Variants in AFF4 observed in about 807,000 individuals in gnomAD.
AFF4 encodes AF4/FMR2 family member 4.
AFF4 carries 13 observed loss-of-function variants against 124.8 expected under a neutral mutation model. The ratio of observed to expected loss-of-function variants is 0.10; its 90% CI spans 0.07 to 0.17. The LOEUF (loss-of-function observed/expected upper bound fraction) is 0.17, where lower values mean the gene tolerates loss of function less well. Ranked by LOEUF, AFF4 falls within the 10% of genes least tolerant of loss-of-function variation. The probability of loss-of-function intolerance (pLI) is 1.00; values close to 1 mark genes in which losing one functional copy is unlikely to be tolerated. For synonymous variants in AFF4, 477 were observed against 496.1 expected (o/e 0.96, Z 0.51); for missense variants, 1,092 against 1,403.8 (o/e 0.78, Z 3.55).
intron 1 of AFF4, among the ~76,000 whole-genome samples, chr5:132,941,710 G>T (rs79146211): frequency 1.3e-5 from 2 of 151,242 alleles, no homozygotes; most frequent in Non-Finnish European, 2.9e-5. Flanking sequence ...TTTTTCGCAC[G>T]CACAAGCAAG....
chr5:132,962,275 T>C (rs1173025901), intron 1 of AFF4, among the ~76,000 whole-genome samples: 1 of 152,244 alleles, frequency 6.6e-6, no homozygotes, highest in East Asian at 1.9e-4. Context: ...ATGTTACATT[T>C]ACAGTCTATT....
chr5:132,886,493 G>A, intron 17 of AFF4, 90 bp from the exon 18 acceptor site: 4 of 1,172,556 alleles, frequency 3.4e-6, no homozygotes, highest in Non-Finnish European at 5.0e-6. Context: ...CAGGAGACTG[G>A]CTCATGTGAC....
At chr5:132,898,101 T>C (rs1433014968) in intron 10 of AFF4, 129 bp downstream of exon 10, 2 of 1,203,822 alleles carry the variant, frequency 1.7e-6, no homozygotes, top group Non-Finnish European at 2.3e-6. Context: ...ACGTACACAG[T>C]ACAATTTCTT....
intron 5 of AFF4, among the ~76,000 whole-genome samples, chr5:132,908,129 TA>T (rs1760711518): frequency 6.6e-6 from 1 of 151,856 alleles, no homozygotes; most frequent in Admixed American, 6.6e-5. Context: ...TTTTTTTTTT[TA>T]ATCATATACT....
chr5:132,900,636 C>T (rs1367887002), intron 7 of AFF4, among the ~76,000 whole-genome samples: 1 of 152,190 alleles, frequency 6.6e-6, no homozygotes, highest in Non-Finnish European at 1.5e-5. Flanking sequence ...AATTAAAACA[C>T]ATACACACAA....
chr5:132,937,055 A>G lies in AFF4; in HGVS notation c.123+12T>C. On this transcript the variant is annotated intron_variant, in intron 2 of 20. Transcript: ENST00000265343. ...CTAATGGGAAAAAAACATTCACAGA[A>G]GGGCAACTTACAACTTTGTATGGCT... The G allele has an allele frequency of 6.3e-7, 1 of 1,589,660 alleles. No individual in the cohort carries two copies.
chr5:132,876,612 G>T lies in AFF4; in HGVS notation c.*4447C>A. The T allele has an allele frequency of 4.9e-6, 1 of 202,544 alleles. No individual in the cohort carries two copies. Among genetic ancestry groups the T allele is most frequent in the Non-Finnish European group, 1.0e-5 (1 of 98,420 alleles). The allele number at this position is 202,544 out of a possible 1,614,324, so 12.5% of individuals were successfully genotyped here. On this transcript the variant is annotated 3_prime_UTR_variant, in exon 21 of 21. Transcript: ENST00000265343. ...AGGCTGCTATTTTAGGATACTTAAAGATCTCTAAGACTTGGATTAGACTTA... is the reference window on the plus strand; with the variant it reads ...AGGCTGCTATTTTAGGATACTTAAATATCTCTAAGACTTGGATTAGACTTA...
intron 1 of AFF4, among the ~76,000 whole-genome samples, chr5:132,957,531 G>A (rs1016409913): frequency 2.9e-4 from 44 of 151,900 alleles, no homozygotes; most frequent in Non-Finnish European, 3.5e-4. Flanking sequence ...TCAGGAGTTC[G>A]AGATCAGCCT....
At chr5:132,929,163 G>C (rs1761246591) in intron 4 of AFF4, among the ~76,000 whole-genome samples, 1 of 152,026 alleles carries the variant, frequency 6.6e-6, no homozygotes, top group Non-Finnish European at 1.5e-5. Context: ...ACACACACCT[G>C]AAGTTCCTTG....
chr5:132,952,710 A>G (rs1037327866), intron 1 of AFF4, among the ~76,000 whole-genome samples: 8 of 152,196 alleles, frequency 5.3e-5, no homozygotes, highest in Non-Finnish European at 8.8e-5. Context: ...CCTAGCCAAC[A>G]TGGCGAAACT....
intron 8 of AFF4, among the ~76,000 whole-genome samples, chr5:132,899,372 T>C (rs1330209128): frequency 6.6e-6 from 1 of 152,136 alleles, no homozygotes; most frequent in Non-Finnish European, 1.5e-5. Context: ...GAGTATGTTT[T>C]GATCCATAAT....
intron 20 of AFF4, 35 bp from the exon 21 acceptor site, chr5:132,881,221 ACT>A: frequency 6.2e-7 from 1 of 1,603,094 alleles, no homozygotes. Context: ...AATGATATAT[ACT>A]CTTTTGAATC....
chr5:132,956,811 G>A (rs574445502), intron 1 of AFF4, among the ~76,000 whole-genome samples: 1 of 151,536 alleles, frequency 6.6e-6, no homozygotes, highest in Non-Finnish European at 1.5e-5. Flanking sequence ...CATGAGGTCA[G>A]GAGTTCAAGA....
intron 1 of AFF4, among the ~76,000 whole-genome samples, chr5:132,950,427 C>T (rs556846286): frequency 2.6e-5 from 4 of 152,108 alleles, no homozygotes; most frequent in Non-Finnish European, 5.9e-5. Flanking sequence ...GAGCTGAGAT[C>T]GTGCCATTGC....
At chr5:132,920,356 ATTTT>A (rs71581351) in intron 5 of AFF4, among the ~76,000 whole-genome samples, 3 of 125,802 alleles carry the variant, frequency 2.4e-5, no homozygotes, top group Admixed American at 8.1e-5. Context: ...GCGGGCAAAC[ATTTT>A]TTTTTTTTTT....
In AFF4 at chr5:132,878,182, TGAAG is replaced by T. The variant is rs1376690380; in HGVS notation, c.*2873_*2876del. The T allele has an allele frequency of 9.8e-5, 22 of 223,690 alleles. No homozygotes were observed. In the East Asian group the frequency reaches 1.4e-3, roughly 14 times the overall value. The allele number at this position is 223,690 out of a possible 1,614,324, so 13.9% of individuals were successfully genotyped here. On this transcript the variant is annotated 3_prime_UTR_variant, in exon 21 of 21. Transcript: ENST00000265343. Reference sequence around the variant, plus strand: ...CTGGGCTGAGCTGTGGAAACTCCCCTGAAGGGGAATGCTTCCCACAGCCCAGCCC... The same window carrying T: ...CTGGGCTGAGCTGTGGAAACTCCCCTGGGAATGCTTCCCACAGCCCAGCCC...
At chr5:132,951,315 C>T (rs1176556752) in intron 1 of AFF4, among the ~76,000 whole-genome samples, 1 of 152,120 alleles carries the variant, frequency 6.6e-6, no homozygotes, top group Non-Finnish European at 1.5e-5. Flanking sequence ...CCTCAGCAAC[C>T]ACTCATTTTA....
intron 1 of AFF4, among the ~76,000 whole-genome samples, chr5:132,942,629 T>A (rs1328042631): frequency 6.6e-6 from 1 of 151,580 alleles, no homozygotes; most frequent in Non-Finnish European, 1.5e-5. Context: ...CATGCCAGGA[T>A]GATTTTGTAT....
chr5:132,881,472 ATAT>A (rs1759976518), intron 20 of AFF4, among the ~76,000 whole-genome samples: 1 of 152,238 alleles, frequency 6.6e-6, no homozygotes, highest in African/African-American at 2.4e-5. Flanking sequence ...TATGCAGTAG[ATAT>A]TATTAAAATG....
Sources: allele counts gnomAD v4.1 joint callset (sites outside exome capture counted in the v4.1 genomes callset), GRCh38; gene constraint gnomAD v4.1.1; transcripts MANE v1.5; gene names NCBI Gene and HGNC (gene_info 2026-07-23, HGNC 2026-07-21).